Variants in PTPRB observed in about 807,000 individuals in gnomAD.
The protein encoded by PTPRB is receptor-type tyrosine-protein phosphatase beta.
Under a neutral mutation model 238.1 loss-of-function variants are expected in PTPRB, and 97 were observed. The observed-to-expected ratio is 0.41, with a 90% CI of 0.35 to 0.48. The LOEUF (loss-of-function observed/expected upper bound fraction) is 0.48, where lower values mean the gene tolerates loss of function less well. PTPRB is among the 20% of genes least tolerant of loss of function. The pLI, the probability that PTPRB is intolerant of heterozygous loss-of-function variation, is 0.30. For missense variants in PTPRB, 2,292 were observed against 2,681.9 expected, an observed-to-expected ratio of 0.85 and a Z score of 3.21; for synonymous variants, 970 against 995.4, an observed-to-expected ratio of 0.97 and a Z score of 0.48.
Position 70,524,549 on chromosome 12 carries a change from T to C in PTPRB, c.6547A>G (p.Arg2183Gly), listed in dbSNP as rs559609255. 3 of 1,613,208 alleles carry C rather than the reference T, an allele frequency of 1.9e-6. No homozygotes were observed. The highest frequency in any genetic ancestry group is 4.5e-5 in the East Asian group (2 of 44,870). The change falls in exon 33 of 34, where the codon AGA (arginine) becomes GGA (glycine). Residue 2183 changes from arginine to glycine, a missense_variant. Arg to Gly is a moderately radical substitution (Grantham distance 125). Around this residue, in one of 4 missense-constraint regions of PTPRB, gnomAD observed 397 missense variants for 502.0 expected, o/e 0.79. Coordinates refer to ENST00000334414, the MANE Select transcript of PTPRB (RefSeq NM_001109754.4). The part of the protein sequence containing the change: ...YLHQCVRDVL[R>G]ARKLRSEQEN... ...TGTTCACTCCGTAGCTTTCTTGCTC[T>C]GAGGACATCTCTTACACACTGATGT...
At chr12:70,564,839 TAATA>T (rs1180779746) in intron 15 of PTPRB, among the ~76,000 whole-genome samples, 385 of 21,584 alleles carry the variant, frequency 0.018, 2 homozygotes, top group Middle Eastern at 0.093. Flanking sequence ...TCTCCAAAAA[TAATA>T]AATAATAATA....
intron 2 of PTPRB, among the ~76,000 whole-genome samples, chr12:70,628,051 C>T (rs968873410): frequency 7.2e-5 from 11 of 152,130 alleles, no homozygotes; most frequent in African/African-American, 9.7e-5. Flanking sequence ...GCAGTTAAAT[C>T]GAGCCTGCCA....
At chr12:70,549,927 G>A (rs567085808) in intron 21 of PTPRB, among the ~76,000 whole-genome samples, 31 of 152,314 alleles carry the variant, frequency 2.0e-4, no homozygotes, top group African/African-American at 6.7e-4. Flanking sequence ...GCTCATTCCC[G>A]TATTTGTTCA....
intron 10 of PTPRB, among the ~76,000 whole-genome samples, chr12:70,579,135 T>C (rs1342570274): frequency 6.6e-6 from 1 of 152,158 alleles, no homozygotes; most frequent in Non-Finnish European, 1.5e-5. Flanking sequence ...TGCAAATCAC[T>C]GGGAAATGAA....
rs1293860878 is a variant in PTPRB at position 70,594,614 on chromosome 12, T to C, written c.1369A>G (p.Lys457Glu). The C allele has an allele frequency of 1.2e-6, 2 of 1,613,866 alleles. No homozygotes were observed. The highest frequency in any genetic ancestry group is 1.3e-5 in the African/African-American group (1 of 74,920). ...VERYRLMLMDKGILVHGGVVD... is the reference protein window; with the variant it reads ...VERYRLMLMDEGILVHGGVVD... ...ACACCGCCATGAACTAGGATCCCTT[T>C]ATCCATTAGCATCAGCCGGTATCGT... is the stretch of plus-strand genomic sequence containing the variant. Residue 457 changes from lysine to glutamate, a missense_variant, in exon 6 of 34, where the codon AAA (lysine) becomes GAA (glutamate). By Grantham distance (56) the Lys-to-Glu change is moderately conservative. Transcript: ENST00000334414.
chr12:70,617,366 TA>T (rs1365660205), intron 3 of PTPRB, among the ~76,000 whole-genome samples: 2 of 152,168 alleles, frequency 1.3e-5, no homozygotes, highest in Non-Finnish European at 2.9e-5. Flanking sequence ...CTCCCCACAA[TA>T]TGTTATTTCC....
intron 6 of PTPRB, among the ~76,000 whole-genome samples, chr12:70,594,126 G>T (rs1203907998): frequency 6.6e-6 from 1 of 152,122 alleles, no homozygotes; most frequent in East Asian, 1.9e-4. Flanking sequence ...AAGTAACTCT[G>T]GTTCACTGTG....
At chr12:70,567,247 A>G (rs1879419485) in intron 14 of PTPRB, among the ~76,000 whole-genome samples, 2 of 152,126 alleles carry the variant, frequency 1.3e-5, no homozygotes, top group Admixed American at 6.5e-5. Flanking sequence ...ATTCTACATA[A>G]TCTTCCTAGA....
At chr12:70,546,136 CA>C (rs35320376) in intron 21 of PTPRB, among the ~76,000 whole-genome samples, 6,516 of 81,864 alleles carry the variant, frequency 0.08, 304 homozygotes, top group Admixed American at 0.2. Context: ...GACTCCACCT[CA>C]AAAAAAAAAA....
chr12:70,529,517 G>C (rs189131386), intron 32 of PTPRB, among the ~76,000 whole-genome samples: 4 of 152,130 alleles, frequency 2.6e-5, no homozygotes, highest in Non-Finnish European at 5.9e-5. Flanking sequence ...CAACATAATT[G>C]TAGGATATTT....
intron 5 of PTPRB, among the ~76,000 whole-genome samples, chr12:70,595,239 G>A (rs567537871): frequency 1.7e-4 from 26 of 152,162 alleles, no homozygotes; most frequent in African/African-American, 6.3e-4. Flanking sequence ...ATAAGTGGGA[G>A]CTGAACAATG....
intron 1 of PTPRB, among the ~76,000 whole-genome samples, chr12:70,637,071 C>G (rs999176998): frequency 1.3e-5 from 2 of 152,106 alleles, no homozygotes; most frequent in African/African-American, 4.8e-5. Flanking sequence ...AACTTTTCCT[C>G]GGGGTTCTTT....
At chr12:70,591,355 C>G (rs1428412539) in intron 7 of PTPRB, among the ~76,000 whole-genome samples, 1 of 152,042 alleles carries the variant, frequency 6.6e-6, no homozygotes, top group African/African-American at 2.4e-5. Flanking sequence ...AATCAAATAG[C>G]CTGGTTTAAA....
At chr12:70,630,030 G>C (rs1885376434) in intron 2 of PTPRB, among the ~76,000 whole-genome samples, 1 of 152,144 alleles carries the variant, frequency 6.6e-6, no homozygotes, top group African/African-American at 2.4e-5. Flanking sequence ...AGAGGAGCTT[G>C]TACCATTCCT....
chr12:70,609,204 C>A lies in PTPRB; in HGVS notation c.844G>T (p.Gly282Trp). 1.9e-6 allele frequency: 3 copies of A among 1,614,038 alleles called. No individual in the cohort carries two copies. Among genetic ancestry groups the A allele is most frequent in the Non-Finnish European group, 2.5e-6 (3 of 1,179,906 alleles). The change falls in exon 4 of 34, where the codon GGG becomes TGG. Residue 282 changes from glycine to tryptophan, a missense_variant. This residue lies in a region of PTPRB where 1,205 missense variants were observed against 1,287.8 expected (regional missense o/e 0.94). Coordinates refer to ENST00000334414, the MANE Select transcript of PTPRB (RefSeq NM_001109754.4). ...CGAAAGGTAGGGCACAACGCGGCCC[C>A]CAGGGTGTCACTGCTATAGATGAGG... ...FSLIYSSDTLGAALCPTFRID... is the reference protein window; with the variant it reads ...FSLIYSSDTLWAALCPTFRID...
At chr12:70,567,396 G>A (rs74101694) in intron 14 of PTPRB, among the ~76,000 whole-genome samples, 4,851 of 152,156 alleles carry the variant, frequency 0.032, 233 homozygotes, top group African/African-American at 0.11. Context: ...CACTCAAGAC[G>A]TCCAAATTGG....
rs1181063318 is a variant in PTPRB, at chr12:70,520,091, C to CAAGT, written c.*1394_*1397dup. The CAAGT allele has an allele frequency of 2.7e-6, 1 of 367,352 alleles. No homozygotes were observed. Among genetic ancestry groups the CAAGT allele is most frequent in the Non-Finnish European group, 5.4e-6 (1 of 185,704 alleles). 22.8% of individuals were successfully genotyped at this position (367,352 alleles called of 1,614,324 possible). ...ATCAACAAACTTGACCTCTAATTCC[C>CAAGT]AAGTTTATTACAGAAAAATTTGTAG... is the stretch of plus-strand genomic sequence containing the variant. On this transcript the variant is annotated 3_prime_UTR_variant, in exon 34 of 34. Coordinates refer to ENST00000334414, the MANE Select transcript of PTPRB (RefSeq NM_001109754.4).
Position 70,531,417 on chromosome 12 carries a change from C to T in PTPRB, c.6504+618G>A, listed in dbSNP as rs758469626. Among the ~76,000 whole-genome samples, 111 of 152,100 alleles carry T rather than the reference C, an allele frequency of 7.3e-4. 1 individual carries two copies. The highest frequency in any genetic ancestry group is 7.4e-4 in the Non-Finnish European group (50 of 67,988). On this transcript the variant is annotated intron_variant, in intron 32 of 33. Coordinates refer to ENST00000334414, the MANE Select transcript of PTPRB (RefSeq NM_001109754.4). ...AGGCATTGATGCAGAGGAGTGAATG[C>T]TTGGTCTCTATTGAGGAAGAGATCT...
chr12:70,608,871 C>T, intron 4 of PTPRB, 198 bp downstream of exon 4: 1 of 766,450 alleles, frequency 1.3e-6, no homozygotes, highest in East Asian at 2.8e-5. Flanking sequence ...GTTTTCAGCA[C>T]TAAGGGAGTC....
Sources: allele counts gnomAD v4.1 joint callset (sites outside exome capture counted in the v4.1 genomes callset), GRCh38; gene constraint gnomAD v4.1.1; regional missense constraint gnomAD v4.1.1; transcripts MANE v1.5; gene names NCBI Gene and HGNC (gene_info 2026-07-23, HGNC 2026-07-21).